SERHL2: variants seen among roughly 807,000 people sequenced by gnomAD.
SERHL2 encodes serine hydrolase like 2.
Under a neutral mutation model 25.5 loss-of-function variants are expected in SERHL2, and 29 were observed. The ratio of observed to expected loss-of-function variants is 1.14; its 90% CI spans 0.85 to 1.55. The LOEUF is 1.55. Among genes scored for constraint, SERHL2 ranks in the 40% most tolerant of loss-of-function variants. The probability of loss-of-function intolerance (pLI) is 0.00; values close to 1 mark genes in which losing one functional copy is unlikely to be tolerated. For synonymous variants in SERHL2, 95 were observed against 103.5 expected (o/e 0.92, Z 0.50); for missense variants, 240 against 252.3 (o/e 0.95, Z 0.33).
rs931091110 is a variant in SERHL2, at chr22:42,573,870, C to T, written c.826-66C>T. On this transcript the variant is annotated intron_variant, in intron 11 of 11. Transcript: ENST00000327678. ...GAATGCTGTGGGAGGGCCCTGACCC[C>T]GGGGCCCATGGAGCTCCCTAGGCTC... The T allele has an allele frequency of 8.8e-5, 135 of 1,531,108 alleles. 1 individual carries two copies. Among genetic ancestry groups the T allele is most frequent in the Admixed American group, 8.4e-4 (49 of 58,184 alleles). The allele number at this position is 1,531,108 out of a possible 1,614,324, so 94.8% of individuals were successfully genotyped here. A position where few individuals can be genotyped will look rare whatever the true frequency, so the allele number is the denominator to read the frequency against.
chr22:42,566,804 T>G (rs948287094), intron 9 of SERHL2, among the ~76,000 whole-genome samples: 2 of 152,160 alleles, frequency 1.3e-5, no homozygotes, highest in Non-Finnish European at 2.9e-5. Context: ...TGACAAAGGT[T>G]CTCAAAAAAC....
intron 8 of SERHL2, among the ~76,000 whole-genome samples, chr22:42,563,860 T>C (rs963977942): frequency 1.3e-5 from 2 of 151,698 alleles, no homozygotes; most frequent in Non-Finnish European, 2.9e-5. Context: ...AATCACCTGA[T>C]GTTGGGAGTT....
At chr22:42,564,611 T>TAAA (rs1923098278) in intron 8 of SERHL2, among the ~76,000 whole-genome samples, 1 of 151,572 alleles carries the variant, frequency 6.6e-6, no homozygotes, top group Non-Finnish European at 1.5e-5. Context: ...TTTGTATTTT[T>TAAA]AGTAGAGATG....
chr22:42,563,257 G>A (rs543785845), intron 8 of SERHL2: 1 of 177,700 alleles, frequency 5.6e-6, no homozygotes, highest in East Asian at 1.6e-4. Context: ...AGGCTGGAAT[G>A]CAGTGGCGTG....
intron 7 of SERHL2, 144 bp from the exon 8 acceptor site, chr22:42,560,042 C>T (rs949073183): frequency 3.1e-6 from 2 of 640,952 alleles, no homozygotes; most frequent in African/African-American, 3.6e-5. Flanking sequence ...AAACTCCTGA[C>T]CTCAGATGAT....
At chr22:42,560,691 C>G (rs1922576551) in intron 8 of SERHL2, among the ~76,000 whole-genome samples, 1 of 151,930 alleles carries the variant, frequency 6.6e-6, no homozygotes, top group South Asian at 2.1e-4. Context: ...GCTTCTGGCA[C>G]AAGCGATTTG....
At chr22:42,572,127 T>TG (rs1924312408) in intron 10 of SERHL2, among the ~76,000 whole-genome samples, 1 of 152,128 alleles carries the variant, frequency 6.6e-6, no homozygotes, top group African/African-American at 2.4e-5. Flanking sequence ...AGAGCAAGTA[T>TG]GGGCTCCAGC....
chr22:42,570,989 C>T, intron 9 of SERHL2, 132 bp from the exon 10 acceptor site: 1 of 1,319,492 alleles, frequency 7.6e-7, no homozygotes, highest in Non-Finnish European at 1.1e-6. Flanking sequence ...ATGTGGGGTC[C>T]TGGGCTCAGA....
intron 8 of SERHL2, 27 bp from the exon 9 acceptor site, chr22:42,566,277 C>T (rs1173085146): frequency 1.2e-6 from 2 of 1,608,154 alleles, no homozygotes; most frequent in East Asian, 4.5e-5. Flanking sequence ...AGCATTGACG[C>T]TGCTGTCTTT....
At position 42,560,270 on chromosome 22, in the gene SERHL2, G is replaced by C; in HGVS notation, c.613+5G>C. On this transcript the variant is annotated splice_donor_5th_base_variant and intron_variant, in intron 8 of 11. Transcript: ENST00000327678. Reference sequence around the variant, plus strand: ...GAACCACGAAGGTGGCCACAGGTAAGGGACTCTACTGTCCAAGGCCATTTT... The same window carrying C: ...GAACCACGAAGGTGGCCACAGGTAACGGACTCTACTGTCCAAGGCCATTTT... 1 of 1,602,208 alleles carries C rather than the reference G, an allele frequency of 6.2e-7. No homozygotes were observed. The highest frequency in any genetic ancestry group is 2.2e-5 in the East Asian group (1 of 44,862).
At position 42,574,251 on chromosome 22, in the gene SERHL2, G is replaced by C. The variant is rs149853583; in HGVS notation, c.*196G>C. Reference sequence around the variant, plus strand: ...TGACCTCAAGGGGGAGACAGAGTCTGGGTTCCAGGGCTGCTTTCTCCTGGC... The same window carrying C: ...TGACCTCAAGGGGGAGACAGAGTCTCGGTTCCAGGGCTGCTTTCTCCTGGC... On this transcript the variant is annotated 3_prime_UTR_variant, in exon 12 of 12. Coordinates refer to ENST00000327678, the MANE Select transcript of SERHL2 (RefSeq NM_014509.5). 2.1e-3 allele frequency: 1,273 copies of C among 596,206 alleles called. 16 individuals are homozygous for C. The highest frequency in any genetic ancestry group is 9.5e-3 in the South Asian group (457 of 48,126). The allele number at this position is 596,206 out of a possible 1,614,324, so 36.9% of individuals were successfully genotyped here. A position where few individuals can be genotyped will look rare whatever the true frequency, so the allele number is the denominator to read the frequency against.
At chr22:42,573,617 T>G in intron 11 of SERHL2, 2 of 299,986 alleles carry the variant, frequency 6.7e-6, no homozygotes, top group Non-Finnish European at 1.3e-5. Context: ...CCCCATCTCA[T>G]TATCTTTTCT....
At chr22:42,573,602 C>T (rs551840764) in intron 11 of SERHL2, 1 of 278,386 alleles carries the variant, frequency 3.6e-6, no homozygotes. Context: ...GCAGGCTGTT[C>T]ACGCCCCCAT....
At chr22:42,573,025 C>G (rs1373575545) in intron 11 of SERHL2, among the ~76,000 whole-genome samples, 3 of 151,750 alleles carry the variant, frequency 2.0e-5, no homozygotes, top group Admixed American at 6.6e-5. Flanking sequence ...CTGCCTCATC[C>G]CTCTGCACCC....
chr22:42,571,103 A>G lies in SERHL2; in HGVS notation c.649-18A>G. On this transcript the variant is annotated intron_variant, in intron 9 of 11. Transcript: ENST00000327678. ...CTGTGCCTTGTGACGAGAATTCACC[A>G]TGTTTTTGTCTCTGCAGGCAGAGAA... is the stretch of plus-strand genomic sequence containing the variant. The G allele has an allele frequency of 6.2e-7, 1 of 1,613,224 alleles. No homozygotes were observed. The highest frequency in any genetic ancestry group is 8.5e-7 in the Non-Finnish European group (1 of 1,179,522).
intron 9 of SERHL2, 76 bp downstream of exon 9, chr22:42,566,414 C>A: frequency 6.8e-7 from 1 of 1,461,238 alleles, no homozygotes; most frequent in Non-Finnish European, 9.5e-7. Flanking sequence ...AATTACAGGC[C>A]AGGCGTGGTG....
chr22:42,572,349 G>T (rs965866423), intron 10 of SERHL2, 87 bp from the exon 11 acceptor site: 1 of 949,516 alleles, frequency 1.1e-6, no homozygotes, highest in Admixed American at 2.0e-5. Flanking sequence ...TTTCTCCTCA[G>T]AGGCCTGAAC....
intron 8 of SERHL2, among the ~76,000 whole-genome samples, chr22:42,565,779 C>CTT (rs542710238): frequency 1.3e-5 from 2 of 151,974 alleles, no homozygotes; most frequent in South Asian, 4.1e-4. Flanking sequence ...TCCACGTGAA[C>CTT]TTGAGAATCA....
At chr22:42,556,441 G>C (rs1922157566) in intron 5 of SERHL2, 73 bp from the exon 6 acceptor site, 3 of 1,596,060 alleles carry the variant, frequency 1.9e-6, no homozygotes, top group Non-Finnish European at 1.7e-6. Context: ...GGAACTCCAG[G>C]GTCCCCAGGG....
Sources: gnomAD v4.1 joint callset for allele counts (sites outside exome capture counted in the v4.1 genomes callset) on GRCh38, gnomAD v4.1.1 for gene constraint, MANE v1.5 for transcripts, NCBI Gene and HGNC (gene_info 2026-07-23, HGNC 2026-07-21) for gene names.